The following CNTNAP2 variants were observed in gnomAD, a reference collection of about 807,000 sequenced individuals.
CNTNAP2 encodes contactin associated protein 2.
In CNTNAP2, 98 loss-of-function variants were observed where a neutral mutation model predicts 155.2. The ratio of observed to expected loss-of-function variants is 0.63; its 90% CI spans 0.54 to 0.75. The LOEUF (loss-of-function observed/expected upper bound fraction) is 0.75, where lower values mean the gene tolerates loss of function less well. CNTNAP2 is among the 30% of genes least tolerant of loss of function. CNTNAP2 has a pLI of 0.00. For missense variants in CNTNAP2, 1,727 were observed against 1,688.1 expected (o/e 1.02, Z -0.40); for synonymous variants, 651 against 631.2 (o/e 1.03, Z -0.47).
At chr7:146,943,273 C>T (rs1797092506) in intron 3 of CNTNAP2, among the ~76,000 whole-genome samples, 1 of 152,146 alleles carries the variant, frequency 6.6e-6, no homozygotes, top group Non-Finnish European at 1.5e-5. Flanking sequence ...AGGTGGTTCA[C>T]CTGAGATCAG....
chr7:147,957,537 T>C (rs542578898), intron 14 of CNTNAP2, among the ~76,000 whole-genome samples: 417 of 152,142 alleles, frequency 2.7e-3, no homozygotes, highest in Non-Finnish European at 3.5e-3. Context: ...GTGGCTGAAG[T>C]GCAATCGGAT....
intron 18 of CNTNAP2, among the ~76,000 whole-genome samples, chr7:148,191,394 C>T (rs960572608): frequency 2.0e-5 from 3 of 152,174 alleles, no homozygotes; most frequent in African/African-American, 7.2e-5. Flanking sequence ...TTGAGCTTCC[C>T]AGCTAGCTTC....
intron 2 of CNTNAP2, among the ~76,000 whole-genome samples, chr7:146,819,527 A>G (rs139203762): frequency 1.5e-4 from 23 of 152,182 alleles, no homozygotes; most frequent in African/African-American, 5.5e-4. Context: ...GGCACGTCCC[A>G]TCAAGTCTTG....
chr7:148,081,868 G>C (rs568299575), intron 15 of CNTNAP2, among the ~76,000 whole-genome samples: 1 of 152,276 alleles, frequency 6.6e-6, no homozygotes, highest in East Asian at 1.9e-4. Flanking sequence ...GTGGGCTTGC[G>C]AGAGCAAGAT....
chr7:146,139,773 A>G (rs1797851781), intron 1 of CNTNAP2, among the ~76,000 whole-genome samples: 1 of 152,176 alleles, frequency 6.6e-6, no homozygotes, highest in East Asian at 1.9e-4. Context: ...TTGTGGAAAT[A>G]GAAGTGTTTT....
At chr7:147,639,084 C>T (rs1795233094) in intron 12 of CNTNAP2, 22 bp from the exon 13 acceptor site, 1 of 1,612,266 alleles carries the variant, frequency 6.2e-7, no homozygotes, top group East Asian at 2.2e-5. Flanking sequence ...ATCCAGGGTC[C>T]TGGTTGTTTT....
chr7:148,221,884 C>T (rs1420842464), intron 19 of CNTNAP2, among the ~76,000 whole-genome samples: 1 of 152,238 alleles, frequency 6.6e-6, no homozygotes, highest in African/African-American at 2.4e-5. Context: ...TTCCTCCCCA[C>T]CACTACTCTC....
intron 1 of CNTNAP2, among the ~76,000 whole-genome samples, chr7:146,593,281 G>A (rs924064631): frequency 6.6e-6 from 1 of 151,926 alleles, no homozygotes; most frequent in Non-Finnish European, 1.5e-5. Flanking sequence ...CAGTCCGTTA[G>A]TGACCAGATT....
intron 20 of CNTNAP2, among the ~76,000 whole-genome samples, chr7:148,242,552 C>G (rs1190928557): frequency 6.6e-6 from 1 of 152,212 alleles, no homozygotes; most frequent in African/African-American, 2.4e-5. Flanking sequence ...CGACCAAAAC[C>G]AGAGTCCTAG....
chr7:147,194,366 G>A (rs906094924), intron 8 of CNTNAP2, among the ~76,000 whole-genome samples: 2 of 151,990 alleles, frequency 1.3e-5, no homozygotes, highest in Non-Finnish European at 2.9e-5. Context: ...TGTCTTTTCT[G>A]TTGTAAATAG....
At chr7:147,780,443 G>A (rs1797646173) in intron 13 of CNTNAP2, among the ~76,000 whole-genome samples, 1 of 151,444 alleles carries the variant, frequency 6.6e-6, no homozygotes, top group African/African-American at 2.4e-5. Flanking sequence ...ATATTTCTGA[G>A]GTCAGTATTT....
intron 11 of CNTNAP2, among the ~76,000 whole-genome samples, chr7:147,526,209 G>A (rs1406334941): frequency 5.4e-5 from 8 of 147,942 alleles, no homozygotes; most frequent in East Asian, 2.0e-4. Flanking sequence ...AAAAAAAAAA[G>A]GAAAAGAAAA....
intron 1 of CNTNAP2, among the ~76,000 whole-genome samples, chr7:146,128,002 T>A (rs1300720412): frequency 1.3e-5 from 2 of 152,190 alleles, no homozygotes; most frequent in Non-Finnish European, 2.9e-5. Context: ...TCCGTCTTCA[T>A]CCTTACCTTT....
At chr7:146,853,335 G>T (rs957911162) in intron 3 of CNTNAP2, among the ~76,000 whole-genome samples, 1 of 152,042 alleles carries the variant, frequency 6.6e-6, no homozygotes, top group Non-Finnish European at 1.5e-5. Context: ...GATTATTCAG[G>T]TATATTTTAT....
chr7:146,481,005 A>ATTT lies in CNTNAP2; in HGVS notation c.98-293258_98-293256dup, dbSNP rs57393867. ...CCCAGAACCTGGTATATTAATGAAA[A>ATTT]TTTTTTTTTTCAAATCTCAGAGGTA... is the stretch of plus-strand genomic sequence containing the variant. On this transcript the variant is annotated intron_variant, in intron 1 of 23. Transcript: ENST00000361727. Among the ~76,000 whole-genome samples the ATTT allele has an allele frequency of 5.4e-3, 815 of 150,276 alleles. 9 individuals are homozygous for ATTT. Among genetic ancestry groups the ATTT allele is most frequent in the African/African-American group, 0.019 (767 of 40,956 alleles).
intron 8 of CNTNAP2, among the ~76,000 whole-genome samples, chr7:147,251,466 T>C (rs1804196796): frequency 6.6e-6 from 1 of 152,174 alleles, no homozygotes; most frequent in Non-Finnish European, 1.5e-5. Flanking sequence ...AGGTAGGTTA[T>C]GTGTGGTTTG....
intron 1 of CNTNAP2, among the ~76,000 whole-genome samples, chr7:146,331,324 T>A (rs200195386): frequency 1.0e-3 from 148 of 142,674 alleles, no homozygotes; most frequent in East Asian, 6.8e-3. Context: ...AAAATAAAAA[T>A]AACCAACTAT....
chr7:147,783,897 A>G (rs1353805397), intron 13 of CNTNAP2, among the ~76,000 whole-genome samples: 1 of 152,190 alleles, frequency 6.6e-6, no homozygotes, highest in Non-Finnish European at 1.5e-5. Flanking sequence ...ACTGTAAGAA[A>G]TAAATTTCTA....
chr7:146,656,290 A>C (rs1235073127), intron 1 of CNTNAP2, among the ~76,000 whole-genome samples: 3 of 152,332 alleles, frequency 2.0e-5, no homozygotes, highest in Non-Finnish European at 4.4e-5. Context: ...TGGCAAAGGA[A>C]CTAAGTAAAA....
Sources: allele counts gnomAD v4.1 joint callset (sites outside exome capture counted in the v4.1 genomes callset), GRCh38; gene constraint gnomAD v4.1.1; transcripts MANE v1.5; gene names NCBI Gene and HGNC (gene_info 2026-07-23, HGNC 2026-07-21).